Variants in CSNK1G2 observed in about 807,000 individuals in gnomAD.
The protein encoded by CSNK1G2 is casein kinase I isoform gamma-2.
CSNK1G2 carries 11 observed loss-of-function variants against 48.0 expected under a neutral mutation model. The observed-to-expected ratio is 0.23, with a 90% confidence interval of 0.14 to 0.38. The LOEUF (loss-of-function observed/expected upper bound fraction) is 0.38, where lower values mean the gene tolerates loss of function less well. Ranked by LOEUF, CSNK1G2 falls within the 10% of genes least tolerant of loss-of-function variation. The pLI is 1.00. For missense variants in CSNK1G2, 446 were observed against 595.5 expected (o/e 0.75, Z 2.61); for synonymous variants, 337 against 254.1 (o/e 1.33, Z -3.10).
intron 1 of CSNK1G2, chr19:1,954,286 G>T: frequency 3.9e-6 from 1 of 253,562 alleles, no homozygotes; most frequent in Non-Finnish European, 8.2e-6. Flanking sequence ...GGAAGTATGT[G>T]CTGCCCTGGT....
chr19:1,979,242 G>C lies in CSNK1G2; in HGVS notation c.762G>C (p.Gly254=), dbSNP rs1455854156. The C allele has an allele frequency of 6.4e-7, 1 of 1,558,296 alleles. No homozygotes were observed. Among genetic ancestry groups the C allele is most frequent in the African/African-American group, 1.4e-5 (1 of 73,750 alleles). ...TGCGCGGCAGCCTCCCCTGGCAGGG[G>C]CTCAAGGTGGGCGAGGAGGCCGGGC... The part of the protein sequence containing the change: ...YFLRGSLPWQ[G]LKADTLKERY... Residue 254 remains glycine (G), a synonymous_variant, in exon 7 of 12, where the codon GGG becomes GGC. Coordinates refer to ENST00000255641, the MANE Select transcript of CSNK1G2 (RefSeq NM_001319.7).
Position 1,980,329 on chromosome 19 carries a change from A to G in CSNK1G2, c.*126A>G. The G allele has an allele frequency of 8.2e-7, 1 of 1,213,058 alleles. No individual in the cohort carries two copies. The highest frequency in any genetic ancestry group is 1.2e-6 in the Non-Finnish European group (1 of 835,906). The allele number at this position is 1,213,058 out of a possible 1,614,324, so 75.1% of individuals were successfully genotyped here. On this transcript the variant is annotated 3_prime_UTR_variant, in exon 12 of 12. Transcript: ENST00000255641. Reference sequence around the variant, plus strand: ...ACCCTGGCTGGAAGCCAGAACGCAGACTGCAGGGGCCGCGCCTGGCTCAGG... The same window carrying G: ...ACCCTGGCTGGAAGCCAGAACGCAGGCTGCAGGGGCCGCGCCTGGCTCAGG...
chr19:1,978,268 C>A lies in CSNK1G2; in HGVS notation c.188-37C>A. ...CTGGGGAGGTCGGGGCTAGGTGGGCCCTGCGCTGGCGGTGCTGATGGTCTC... is the reference window on the plus strand; with the variant it reads ...CTGGGGAGGTCGGGGCTAGGTGGGCACTGCGCTGGCGGTGCTGATGGTCTC... On this transcript the variant is annotated intron_variant, in intron 2 of 11. Coordinates refer to ENST00000255641, the MANE Select transcript of CSNK1G2 (RefSeq NM_001319.7). This position sits in a 1 kb window ranked among gnomAD's most constrained non-coding sequence, Gnocchi z 7.3. The A allele has an allele frequency of 6.2e-7, 1 of 1,611,972 alleles. No homozygotes were observed. The highest frequency in any genetic ancestry group is 1.1e-5 in the South Asian group (1 of 91,042).
intron 1 of CSNK1G2, among the ~76,000 whole-genome samples, chr19:1,947,054 C>T (rs939647091): frequency 1.3e-5 from 2 of 152,232 alleles, no homozygotes; most frequent in Non-Finnish European, 2.9e-5. Context: ...GTGCCCGGCC[C>T]TATCGCTATT....
intron 1 of CSNK1G2, among the ~76,000 whole-genome samples, chr19:1,950,501 A>G (rs1055637802): frequency 6.8e-6 from 1 of 147,090 alleles, no homozygotes; most frequent in Non-Finnish European, 1.5e-5. Flanking sequence ...TGAACATTAC[A>G]GCAACATCTG....
Position 1,980,378 on chromosome 19 carries a change from G to T in CSNK1G2, c.*175G>T. 1 of 739,550 alleles carries T rather than the reference G, an allele frequency of 1.4e-6. No homozygotes were observed. The allele number at this position is 739,550 out of a possible 1,614,324, so 45.8% of individuals were successfully genotyped here. ...GGCGGCCCCACCCCCGGGACGTGGG[G>T]TCACTTCCTTCATGTAAGACTTTGG... is the stretch of plus-strand genomic sequence containing the variant. On this transcript the variant is annotated 3_prime_UTR_variant, in exon 12 of 12. Coordinates refer to ENST00000255641, the MANE Select transcript of CSNK1G2 (RefSeq NM_001319.7).
At chr19:1,944,652 G>A (rs767837596) in intron 1 of CSNK1G2, among the ~76,000 whole-genome samples, 8 of 151,074 alleles carry the variant, frequency 5.3e-5, no homozygotes, top group South Asian at 2.1e-4. Flanking sequence ...GGGTGCAGCC[G>A]TCTGCTGGGT....
At position 1,979,772 on chromosome 19, in the gene CSNK1G2, C is replaced by A; in HGVS notation, c.1023C>A (p.Val341=). The part of the protein sequence containing the change: ...GKPLPTPIGT[V]HTDLPSQPQL... ...CACAGCCGACCCCCATCGGCACCGT[C>A]CACACCGACCTGCCCTCCCAGCCTC... is the stretch of plus-strand genomic sequence containing the variant. The change falls in exon 10 of 12, where the codon GTC becomes GTA. Residue 341 remains valine (V), a synonymous_variant. Coordinates refer to ENST00000255641, the MANE Select transcript of CSNK1G2 (RefSeq NM_001319.7). The A allele has an allele frequency of 6.2e-7, 1 of 1,606,904 alleles. No homozygotes were observed. The highest frequency in any genetic ancestry group is 8.5e-7 in the Non-Finnish European group (1 of 1,179,094).
At chr19:1,946,191 G>C (rs1253118362) in intron 1 of CSNK1G2, among the ~76,000 whole-genome samples, 2 of 152,190 alleles carry the variant, frequency 1.3e-5, no homozygotes, top group Non-Finnish European at 2.9e-5. Flanking sequence ...AGGGGGCGCA[G>C]GTGAGGGCAG....
At chr19:1,948,882 CAGTG>C (rs1470678352) in intron 1 of CSNK1G2, among the ~76,000 whole-genome samples, 3 of 152,354 alleles carry the variant, frequency 2.0e-5, no homozygotes, top group South Asian at 2.1e-4. Context: ...TGCGTTCTCA[CAGTG>C]AGGGAAGCTG....
In CSNK1G2 at chr19:1,981,037, C is replaced by T. The variant is rs915765101; in HGVS notation, c.*834C>T. 4 of 147,946 alleles carry T rather than the reference C, an allele frequency of 2.7e-5. No homozygotes were observed. The highest frequency in any genetic ancestry group is 1.1e-4 in the African/African-American group (4 of 37,298). 9.2% of individuals were successfully genotyped at this position (147,946 alleles called of 1,614,324 possible). The stretch of plus-strand genomic sequence containing the variant: ...CGCGTGGGCACGGAGCTTCCTGCCT[C>T]TCTGCTCCGACACCCGGCAAGCAGC... On this transcript the variant is annotated 3_prime_UTR_variant, in exon 12 of 12. Transcript: ENST00000255641.
At chr19:1,959,598 C>CT in intron 1 of CSNK1G2, among the ~76,000 whole-genome samples, 3 of 123,656 alleles carry the variant, frequency 2.4e-5, no homozygotes, top group African/African-American at 3.4e-5. Context: ...ACCTTTAGTG[C>CT]CACCCTGAGT....
chr19:1,958,172 A>T (rs1159583203), intron 1 of CSNK1G2, among the ~76,000 whole-genome samples: 2 of 150,802 alleles, frequency 1.3e-5, no homozygotes, highest in Admixed American at 6.6e-5. Flanking sequence ...CCTGGAATTG[A>T]GGGGCGATTG....
chr19:1,958,187 TCCCACTGCC>T (rs1164980380), intron 1 of CSNK1G2, among the ~76,000 whole-genome samples: 1 of 150,548 alleles, frequency 6.6e-6, no homozygotes, highest in Non-Finnish European at 1.5e-5. Context: ...CGATTGGGAC[TCCCACTGCC>T]CCCACCAAAG....
rs893932722 is a variant in CSNK1G2, at chr19:1,980,802, C to T, written c.*599C>T. The T allele has an allele frequency of 6.5e-6, 1 of 152,866 alleles. No homozygotes were observed. Among genetic ancestry groups the T allele is most frequent in the Non-Finnish European group, 1.5e-5 (1 of 68,432 alleles). 9.5% of individuals were successfully genotyped at this position (152,866 alleles called of 1,614,324 possible). A position where few individuals can be genotyped will look rare whatever the true frequency, so the allele number is the denominator to read the frequency against. On this transcript the variant is annotated 3_prime_UTR_variant, in exon 12 of 12. Transcript: ENST00000255641. The stretch of plus-strand genomic sequence containing the variant: ...GGGGCCGTGGCTGAAGCCGGCTCCC[C>T]AACCAAAATGCTGCACCAAAGCTCG...
At chr19:1,942,722 C>G (rs1288089102) in intron 1 of CSNK1G2, 5 of 152,154 alleles carry the variant, frequency 3.3e-5, no homozygotes, top group Admixed American at 6.5e-5. Flanking sequence ...GGAAGCACCC[C>G]GGGCTACTCT....
chr19:1,946,996 C>T (rs2014588352), intron 1 of CSNK1G2, among the ~76,000 whole-genome samples: 1 of 151,872 alleles, frequency 6.6e-6, no homozygotes, highest in Admixed American at 6.6e-5. Context: ...TCAGGTGATC[C>T]ACCTGCTTCA....
intron 1 of CSNK1G2, chr19:1,953,651 T>C (rs973154934): frequency 3.5e-5 from 14 of 401,918 alleles, no homozygotes; most frequent in Non-Finnish European, 6.1e-5. Context: ...GGCCCTCACC[T>C]GTGGTCTGTG....
chr19:1,976,000 A>G, intron 2 of CSNK1G2: 1 of 1,166,798 alleles, frequency 8.6e-7, no homozygotes, highest in South Asian at 1.3e-5. Flanking sequence ...GCGCCAGTGC[A>G]CTCCAGCCTG....
Sources: gnomAD v4.1 joint callset for allele counts (sites outside exome capture counted in the v4.1 genomes callset) on GRCh38, gnomAD v4.1.1 for gene constraint, Gnocchi (gnomAD v3.1) non-coding constraint, MANE v1.5 for transcripts, NCBI Gene and HGNC (gene_info 2026-07-23, HGNC 2026-07-21) for gene names.